The following LINGO2 variants were observed in gnomAD, a reference collection of about 807,000 sequenced individuals.
LINGO2 encodes leucine rich repeat and Ig domain containing 2.
A neutral mutation model predicts 30.6 loss-of-function variants in LINGO2; 14 were observed. That is an observed-to-expected ratio of 0.46 (90% CI 0.30 to 0.72). The LOEUF (loss-of-function observed/expected upper bound fraction) is 0.72. LINGO2 is among the 30% of genes least tolerant of loss of function. The pLI is 0.07. For missense variants in LINGO2, 729 were observed against 751.7 expected, an observed-to-expected ratio of 0.97 and a Z score of 0.35; for synonymous variants, 317 against 288.5, an observed-to-expected ratio of 1.10 and a Z score of -1.00.
intron 1 of LINGO2, among the ~76,000 whole-genome samples, chr9:28,581,976 T>A (rs1824279834): frequency 6.6e-6 from 1 of 151,978 alleles, no homozygotes; most frequent in African/African-American, 2.4e-5. Context: ...ATGAACATTA[T>A]CTTCATATTG....
chr9:28,640,862 C>T (rs2135933265), intron 1 of LINGO2, among the ~76,000 whole-genome samples: 1 of 152,274 alleles, frequency 6.6e-6, no homozygotes, highest in Middle Eastern at 3.4e-3. Flanking sequence ...TGTTCTGTTG[C>T]TGGTGAGGAG....
chr9:29,136,354 C>G, the LINGO2 span, among the ~76,000 whole-genome samples: 1 of 152,148 alleles, frequency 6.6e-6, no homozygotes, highest in African/African-American at 2.4e-5. Context: ...TCTCTATCTT[C>G]TTAACAAATC....
At chr9:28,101,767 G>T (rs962032027) in intron 4 of LINGO2, among the ~76,000 whole-genome samples, 2 of 152,122 alleles carry the variant, frequency 1.3e-5, no homozygotes, top group African/African-American at 4.8e-5. Flanking sequence ...AGCCCACACT[G>T]CTAGAAGCCA....
At chr9:28,959,238 G>T in the LINGO2 span, among the ~76,000 whole-genome samples, 1 of 151,916 alleles carries the variant, frequency 6.6e-6, no homozygotes, top group Non-Finnish European at 1.5e-5. Flanking sequence ...ACAGAGAAAC[G>T]GTCTCAACAT....
intron 4 of LINGO2, among the ~76,000 whole-genome samples, chr9:28,245,261 C>A (rs774201532): frequency 5.3e-5 from 8 of 152,140 alleles, no homozygotes; most frequent in Non-Finnish European, 7.4e-5. Flanking sequence ...GACATACCTT[C>A]AGGTTAAAAA....
chr9:29,105,684 C>T, the LINGO2 span, among the ~76,000 whole-genome samples: 3 of 152,074 alleles, frequency 2.0e-5, no homozygotes, highest in South Asian at 4.1e-4. Context: ...GTAGGCCTGA[C>T]CTAACGAATT....
At chr9:29,117,511 A>G in the LINGO2 span, among the ~76,000 whole-genome samples, 1 of 152,210 alleles carries the variant, frequency 6.6e-6, no homozygotes, top group South Asian at 2.1e-4. Flanking sequence ...TGAACATCAC[A>G]GAGTTATCCC....
the LINGO2 span, among the ~76,000 whole-genome samples, chr9:29,146,217 G>A: frequency 1.3e-5 from 2 of 152,030 alleles, no homozygotes; most frequent in African/African-American, 2.4e-5. Flanking sequence ...TTAGCTAAGC[G>A]TGGTGGCAGG....
chr9:28,311,057 C>G (rs1050111827), intron 3 of LINGO2, among the ~76,000 whole-genome samples: 1 of 152,004 alleles, frequency 6.6e-6, no homozygotes, highest in Non-Finnish European at 1.5e-5. Context: ...GTCAGCCGGT[C>G]TGAGAAATAA....
intron 1 of LINGO2, among the ~76,000 whole-genome samples, chr9:28,556,523 C>T (rs1300778666): frequency 1.3e-5 from 2 of 152,056 alleles, no homozygotes; most frequent in Non-Finnish European, 2.9e-5. Context: ...AAGAATATTC[C>T]ATGCTCATGG....
At chr9:28,143,105 T>A (rs947367942) in intron 4 of LINGO2, among the ~76,000 whole-genome samples, 7 of 152,234 alleles carry the variant, frequency 4.6e-5, no homozygotes, top group African/African-American at 1.4e-4. Context: ...GCAGAGGCTC[T>A]AAATAAGTGG....
At chr9:29,138,587 C>T in the LINGO2 span, among the ~76,000 whole-genome samples, 6 of 151,984 alleles carry the variant, frequency 3.9e-5, no homozygotes, top group South Asian at 1.2e-3. Context: ...AATCATGAAA[C>T]CCAGGTAAGT....
chr9:28,612,147 C>T (rs934760391), intron 1 of LINGO2, among the ~76,000 whole-genome samples: 1 of 152,072 alleles, frequency 6.6e-6, no homozygotes, highest in Non-Finnish European at 1.5e-5. Flanking sequence ...CTGTAGCTTC[C>T]ACCTCCCAGG....
Position 28,494,620 on chromosome 9 carries a change from A to T in LINGO2, c.-364-18595T>A, listed in dbSNP as rs906177730. On this transcript the variant is annotated intron_variant, in intron 1 of 5. Transcript: ENST00000379992. ...ATTTTCTTAATCCAGTCTATAATTGATGGACATTTGGGTTGGTTCCAAGTC... is the reference window on the plus strand; with the variant it reads ...ATTTTCTTAATCCAGTCTATAATTGTTGGACATTTGGGTTGGTTCCAAGTC... Among the ~76,000 whole-genome samples, 4 of 152,144 alleles carry T rather than the reference A, an allele frequency of 2.6e-5. No homozygotes were observed. In the South Asian group the frequency reaches 8.3e-4, roughly 31 times the overall value.
chr9:28,338,514 G>C (rs1453072738), intron 3 of LINGO2, among the ~76,000 whole-genome samples: 1 of 152,042 alleles, frequency 6.6e-6, no homozygotes, highest in East Asian at 1.9e-4. Flanking sequence ...GATTTGGGAG[G>C]TACCAGGGGC....
chr9:29,040,014 A>T, the LINGO2 span, among the ~76,000 whole-genome samples: 1 of 152,174 alleles, frequency 6.6e-6, no homozygotes, highest in Non-Finnish European at 1.5e-5. Context: ...TCTAATTTGA[A>T]ACTATATTTT....
At chr9:28,442,164 C>T (rs1289647503) in intron 2 of LINGO2, among the ~76,000 whole-genome samples, 1 of 151,276 alleles carries the variant, frequency 6.6e-6, no homozygotes, top group African/African-American at 2.4e-5. Flanking sequence ...AAAAAGTTTC[C>T]TATTTGTCAG....
At chr9:28,653,966 C>A (rs1472781271) in intron 1 of LINGO2, among the ~76,000 whole-genome samples, 1 of 151,970 alleles carries the variant, frequency 6.6e-6, no homozygotes, top group East Asian at 1.9e-4. Flanking sequence ...TTAATGTATG[C>A]TTTTATTGCT....
chr9:28,883,077 C>T, the LINGO2 span, among the ~76,000 whole-genome samples: 1 of 152,220 alleles, frequency 6.6e-6, no homozygotes, highest in Admixed American at 6.5e-5. Context: ...GCCCTTACCA[C>T]AGCCCACAAG....
Sources: gnomAD v4.1 joint callset for allele counts (sites outside exome capture counted in the v4.1 genomes callset) on GRCh38, gnomAD v4.1.1 for gene constraint, MANE v1.5 for transcripts, NCBI Gene and HGNC (gene_info 2026-07-23, HGNC 2026-07-21) for gene names.